Variants in EYA4 observed in about 807,000 individuals in gnomAD.
EYA4 encodes protein phosphatase EYA4.
EYA4 carries 31 observed loss-of-function variants against 87.9 expected under a neutral mutation model. The ratio of observed to expected loss-of-function variants is 0.35; its 90% CI spans 0.27 to 0.48. EYA4 has a LOEUF of 0.48. Among genes scored for constraint, EYA4 ranks in the 20% least tolerant of loss-of-function variants. The pLI, the probability that EYA4 is intolerant of heterozygous loss-of-function variation, is 0.99. For synonymous variants in EYA4, 263 were observed against 270.6 expected, an observed-to-expected ratio of 0.97 and a Z score of 0.28; for missense variants, 678 against 761.4, an observed-to-expected ratio of 0.89 and a Z score of 1.29.
chr6:133,406,080 T>C (rs903047042), intron 3 of EYA4, among the ~76,000 whole-genome samples: 1 of 152,214 alleles, frequency 6.6e-6, no homozygotes, highest in African/African-American at 2.4e-5. Context: ...TTGTATCAGA[T>C]TACTTTATAT....
intron 3 of EYA4, among the ~76,000 whole-genome samples, chr6:133,408,851 T>C (rs1788962560): frequency 6.6e-6 from 1 of 152,316 alleles, no homozygotes. Flanking sequence ...GGGACTAATA[T>C]TGAGTGGTTC....
intron 11 of EYA4, among the ~76,000 whole-genome samples, chr6:133,477,373 T>G (rs539492161): frequency 6.6e-6 from 1 of 152,274 alleles, no homozygotes; most frequent in East Asian, 1.9e-4. Context: ...ATGAGTCATG[T>G]TGAGCATTTT....
intron 3 of EYA4, among the ~76,000 whole-genome samples, chr6:133,384,675 G>A (rs1195076908): frequency 6.6e-6 from 1 of 152,064 alleles, no homozygotes; most frequent in Non-Finnish European, 1.5e-5. Flanking sequence ...CCACACTCTG[G>A]TCAATATCTA....
chr6:133,526,442 AGAGAAAGGAAAT>A (rs993582679), intron 19 of EYA4, among the ~76,000 whole-genome samples: 3 of 152,218 alleles, frequency 2.0e-5, no homozygotes, highest in African/African-American at 7.2e-5. Flanking sequence ...TATAAGAGAA[AGAGAAAGGAAAT>A]GATGTATGTT....
At chr6:133,474,709 C>A (rs765665326) in intron 11 of EYA4, among the ~76,000 whole-genome samples, 1 of 152,098 alleles carries the variant, frequency 6.6e-6, no homozygotes, top group Non-Finnish European at 1.5e-5. Context: ...CTTTTCAGAT[C>A]TGGCATACGG....
chr6:133,384,043 T>G (rs1244699817), intron 3 of EYA4, among the ~76,000 whole-genome samples: 1 of 152,216 alleles, frequency 6.6e-6, no homozygotes, highest in African/African-American at 2.4e-5. Flanking sequence ...AACAATATAA[T>G]CATCCTTATT....
intron 13 of EYA4, among the ~76,000 whole-genome samples, chr6:133,484,519 C>A (rs946326543): frequency 4.6e-5 from 7 of 152,140 alleles, no homozygotes; most frequent in African/African-American, 1.7e-4. Flanking sequence ...GTTTAACAAC[C>A]ATTTACAAGA....
Position 133,267,258 on chromosome 6 carries a change from A to AT in EYA4, c.-65-7450dup, listed in dbSNP as rs973882254. 5.9e-5 allele frequency among the ~76,000 whole-genome samples: 9 copies of AT among 152,152 alleles called. No homozygotes were observed. The East Asian group carries it at 1.5e-3, about 26-fold the overall frequency. ...AACCAAAAATGTAATTGTTTATCAA[A>AT]TTTTTTTTAGTGTTTCCCATTCATC... On this transcript the variant is annotated intron_variant, in intron 1 of 19. Transcript: ENST00000355286.
intron 3 of EYA4, among the ~76,000 whole-genome samples, chr6:133,406,758 G>A (rs1788743564): frequency 2.0e-5 from 3 of 152,090 alleles, no homozygotes; most frequent in Admixed American, 1.3e-4. Flanking sequence ...ATTTCCAAGT[G>A]TACTATGCGA....
intron 1 of EYA4, among the ~76,000 whole-genome samples, chr6:133,269,936 A>C (rs552292769): frequency 6.6e-6 from 1 of 152,206 alleles, no homozygotes; most frequent in Non-Finnish European, 1.5e-5. Context: ...AAACTGAAGC[A>C]CTTGGAGCCT....
In EYA4 at chr6:133,515,291, C is replaced by T. The variant is rs147791502; in HGVS notation, c.1502-30C>T. 3.9e-5 allele frequency: 42 copies of T among 1,065,820 alleles called. No homozygotes were observed. The African/African-American group carries it at 5.1e-4, about 13-fold the overall frequency. 66.0% of individuals were successfully genotyped at this position (1,065,820 alleles called of 1,614,324 possible). A position where few individuals can be genotyped will look rare whatever the true frequency, so the allele number is the denominator to read the frequency against. On this transcript the variant is annotated intron_variant, in intron 16 of 19. Transcript: ENST00000355286. ...ATATTCTGAGACAATATTCATCTCT[C>T]GACTCTGCCTTGGTTTTTTGGTGTT...
chr6:133,472,899 A>T (rs212779), intron 11 of EYA4, among the ~76,000 whole-genome samples: 1 of 148,912 alleles, frequency 6.7e-6, no homozygotes, highest in African/African-American at 2.5e-5. Context: ...CTGTTTTATC[A>T]GAGACTAGGA....
chr6:133,426,909 G>A (rs1284709582), intron 3 of EYA4, among the ~76,000 whole-genome samples: 1 of 151,934 alleles, frequency 6.6e-6, no homozygotes, highest in Admixed American at 6.6e-5. Flanking sequence ...CTGAACTATA[G>A]CAATTTGCTA....
intron 11 of EYA4, among the ~76,000 whole-genome samples, chr6:133,470,051 T>C (rs1018310722): frequency 6.6e-6 from 1 of 150,898 alleles, no homozygotes; most frequent in Non-Finnish European, 1.5e-5. Flanking sequence ...GCCTGTTCAC[T>C]CTGATGGTAG....
At chr6:133,365,200 C>T (rs971056050) in intron 2 of EYA4, among the ~76,000 whole-genome samples, 1 of 152,148 alleles carries the variant, frequency 6.6e-6, no homozygotes, top group African/African-American at 2.4e-5. Flanking sequence ...GTAAACTGCT[C>T]ACCAAGCGCC....
At chr6:133,387,529 A>G (rs549102723) in intron 3 of EYA4, among the ~76,000 whole-genome samples, 6 of 152,330 alleles carry the variant, frequency 3.9e-5, no homozygotes, top group Admixed American at 3.3e-4. Context: ...TACAGACCAC[A>G]GAATTGGGTA....
At position 133,462,712 on chromosome 6, in the gene EYA4, A is replaced by C; in HGVS notation, c.672A>C (p.Pro224=). The stretch of plus-strand genomic sequence containing the variant: ...AGAGTGGCTGCCTCAGTTACAGCCC[A>C]GGGTTCTCTACCCCACAGCCAGGCC... ...PLQSGCLSYS[P]GFSTPQPGQT... is the part of the protein sequence containing the mutation. The change falls in exon 9 of 20, where the codon CCA becomes CCC. Residue 224 remains proline (P), a synonymous_variant. Transcript: ENST00000355286. 6.2e-7 allele frequency: 1 copy of C among 1,613,948 alleles called. No individual in the cohort carries two copies. The highest frequency in any genetic ancestry group is 8.5e-7 in the Non-Finnish European group (1 of 1,179,908).
At chr6:133,483,255 T>G in intron 13 of EYA4, 140 bp downstream of exon 13, 1 of 645,534 alleles carries the variant, frequency 1.5e-6, no homozygotes, top group Non-Finnish European at 2.7e-6. Context: ...CTATTTCTAG[T>G]GTCTTATAGT....
At chr6:133,358,331 T>C (rs1353999093) in intron 2 of EYA4, among the ~76,000 whole-genome samples, 6 of 152,192 alleles carry the variant, frequency 3.9e-5, no homozygotes, top group Non-Finnish European at 2.9e-5. Flanking sequence ...AGTTGCTAAA[T>C]ATTTGAATTT....
Sources: allele counts gnomAD v4.1 joint callset (sites outside exome capture counted in the v4.1 genomes callset), GRCh38; gene constraint gnomAD v4.1.1; transcripts MANE v1.5; gene names NCBI Gene and HGNC (gene_info 2026-07-23, HGNC 2026-07-21).